The following TAF1 variants were observed in gnomAD, a reference collection of about 807,000 sequenced individuals.
TAF1 encodes the protein TATA-box binding protein associated factor 1.
Under a neutral mutation model 138.5 loss-of-function variants are expected in TAF1, and 2 were observed. The observed-to-expected ratio is 0.01, with a 90% CI of 0.01 to 0.05. TAF1 has a LOEUF of 0.05. Ranked by LOEUF, TAF1 falls within the 10% of genes least tolerant of loss-of-function variation. The pLI, the probability that TAF1 is intolerant of heterozygous loss-of-function variation, is 1.00. For missense variants in TAF1, 709 were observed against 1,478.0 expected (o/e 0.48, Z 8.53); for synonymous variants, 437 against 503.2 (o/e 0.87, Z 1.76).
intron 13 of TAF1, among the ~76,000 whole-genome samples, chrX:71,506,412 C>T (rs1480372122): frequency 2.0e-5 from 2 of 101,984 alleles, no homozygotes; most frequent in Non-Finnish European, 4.0e-5. Flanking sequence ...TGGCCAGTCG[C>T]GGTGGCTCAC....
chrX:71,382,400 G>T (rs968240976), intron 9 of TAF1, 136 bp from the exon 10 acceptor site: 19 of 855,243 alleles, frequency 2.2e-5, no homozygotes, highest in East Asian at 2.0e-4. Flanking sequence ...GTTACCTGGG[G>T]GGGGGTGGGA....
At chrX:71,391,501 TAGTG>T (rs1179180566) in intron 18 of TAF1, among the ~76,000 whole-genome samples, 1 of 110,751 alleles carries the variant, frequency 9.0e-6, no homozygotes, top group Non-Finnish European at 1.9e-5. Context: ...CTGGCCAACA[TAGTG>T]AGACCCTGTC....
At chrX:71,493,543 G>T (rs1212811622) in intron 13 of TAF1, among the ~76,000 whole-genome samples, 7 of 112,646 alleles carry the variant, frequency 6.2e-5, no homozygotes, top group African/African-American at 2.3e-4. Context: ...TAGAAATGTC[G>T]CAAGGTTTTC....
At position 71,398,557 on chromosome X, in the gene TAF1, G is replaced by A. The variant is rs2148417052; in HGVS notation, c.3621-15G>A. 1 of 1,206,521 alleles carries A rather than the reference G, an allele frequency of 8.3e-7. No individual in the cohort carries two copies. Among genetic ancestry groups the A allele is most frequent in the East Asian group, 3.0e-5 (1 of 33,702 alleles). On this transcript the variant is annotated splice_polypyrimidine_tract_variant and intron_variant, in intron 23 of 37. Coordinates refer to ENST00000423759, the MANE Select transcript of TAF1 (RefSeq NM_004606.5). ...GTCCTGTGATTTTTCTTCCTCTGCT[G>A]CTCACACTGTTCAGTCGAAAATTTG... is the stretch of plus-strand genomic sequence containing the variant.
chrX:71,379,147 C>T (rs1488790157), intron 8 of TAF1, 116 bp downstream of exon 8: 2 of 756,944 alleles, frequency 2.6e-6, no homozygotes, highest in Non-Finnish European at 3.7e-6. Context: ...CAGAGTTTCG[C>T]TCTTGTTGCC....
At chrX:71,498,224 G>T (rs1279217591) in intron 13 of TAF1, among the ~76,000 whole-genome samples, 1 of 111,811 alleles carries the variant, frequency 8.9e-6, no homozygotes, top group Non-Finnish European at 1.9e-5. Context: ...GTTGGGATGT[G>T]TGGTCTGTGG....
At chrX:71,503,276 A>AT (rs1248005819) in intron 13 of TAF1, among the ~76,000 whole-genome samples, 1,121 of 89,283 alleles carry the variant, frequency 0.013, 8 homozygotes, top group African/African-American at 0.016. Flanking sequence ...CTCAAAAAAA[A>AT]AATATATATA....
chrX:71,403,028 TTTTC>T (rs1257321746), intron 25 of TAF1, among the ~76,000 whole-genome samples: 4 of 110,400 alleles, frequency 3.6e-5, no homozygotes, highest in Non-Finnish European at 7.6e-5. Context: ...TTTCCTTTTC[TTTTC>T]TTTCTTTTTT....
At chrX:71,504,741 CAAAAAAAAAAAAAAAAA>C (rs41370846) in intron 13 of TAF1, among the ~76,000 whole-genome samples, 1 of 5,702 alleles carries the variant, frequency 1.8e-4, no homozygotes. Flanking sequence ...GACCCTGTCT[CAAAAAAAAAAAAAAAAA>C]AAAAAAAAAA....
In TAF1 at chrX:71,464,157, T is replaced by C. The variant is rs1346270719; in HGVS notation, c.*111T>C. 1.5e-6 allele frequency: 1 copy of C among 673,843 alleles called. No homozygotes were observed. Among genetic ancestry groups the C allele is most frequent in the African/African-American group, 2.2e-5 (1 of 45,157 alleles). The allele number at this position is 673,843 out of a possible 1,213,427, so 55.5% of individuals were successfully genotyped here. On this transcript the variant is annotated 3_prime_UTR_variant, in exon 38 of 38. Transcript: ENST00000423759. ...GTATCTGATCCTGAAATCATGAAAT[T>C]AACTAACACCTTAGCCTTTTTAAAA...
At chrX:71,482,281 T>C (rs1322784522) in intron 13 of TAF1, among the ~76,000 whole-genome samples, 1 of 112,557 alleles carries the variant, frequency 8.9e-6, no homozygotes, top group East Asian at 2.8e-4. Flanking sequence ...GGTTGTACAA[T>C]TGTGAATCTC....
chrX:71,382,428 A>T (rs1258985883), intron 9 of TAF1, 108 bp from the exon 10 acceptor site: 2 of 1,073,145 alleles, frequency 1.9e-6, no homozygotes. Context: ...TCTAGTTAAG[A>T]CCTTCACTGG....
At chrX:71,394,613 A>G (rs1361068640) in intron 22 of TAF1, among the ~76,000 whole-genome samples, 2 of 112,823 alleles carry the variant, frequency 1.8e-5, no homozygotes, top group African/African-American at 6.4e-5. Context: ...TTACATGTAA[A>G]ATATGTAAAT....
chrX:71,452,892 C>T (rs2038088623), intron 32 of TAF1, among the ~76,000 whole-genome samples: 1 of 112,301 alleles, frequency 8.9e-6, no homozygotes, highest in African/African-American at 3.2e-5. Context: ...AACCCGGTCT[C>T]CACCAAAAAA....
chrX:71,506,341 G>A (rs950926890), intron 13 of TAF1, among the ~76,000 whole-genome samples: 2 of 101,494 alleles, frequency 2.0e-5, no homozygotes, highest in East Asian at 3.1e-4. Context: ...CAATGTTAGC[G>A]CCACTGCACT....
intron 13 of TAF1, among the ~76,000 whole-genome samples, chrX:71,509,561 G>A (rs754113258): frequency 9.0e-6 from 1 of 111,177 alleles, no homozygotes; most frequent in South Asian, 3.8e-4. Context: ...TTAGGGGCTG[G>A]GCATGGTGGC....
In TAF1 at chrX:71,388,268, A is replaced by G. The variant is rs1041874871; in HGVS notation, c.2459A>G (p.Lys820Arg). 4 of 1,209,053 alleles carry G rather than the reference A, an allele frequency of 3.3e-6. No homozygotes were observed. In the African/African-American group the frequency reaches 7.0e-5, roughly 21 times the overall value. ...VFIYRLFWKSKDRPRRIRMED... is the reference protein window; with the variant it reads ...VFIYRLFWKSRDRPRRIRMED... ...ATTTACCGCCTTTTCTGGAAAAGTA[A>G]AGATCGGCCACGGAGGATACGAATG... Residue 820 changes from lysine to arginine, a missense_variant, in exon 16 of 38, where the codon AAA (lysine) becomes AGA (arginine). Physicochemically the swap from Lys to Arg is conservative, Grantham distance 26 (BLOSUM62 2). Transcript: ENST00000423759.
At chrX:71,406,815 G>C (rs2148480433) in intron 26 of TAF1, 69 bp downstream of exon 26, 1 of 869,417 alleles carries the variant, frequency 1.2e-6, no homozygotes, top group African/African-American at 2.0e-5. Flanking sequence ...GTATGCCACA[G>C]CTCTGACAGC....
intron 13 of TAF1, among the ~76,000 whole-genome samples, chrX:71,514,325 A>G (rs756054712): frequency 9.1e-6 from 1 of 110,120 alleles, no homozygotes; most frequent in East Asian, 2.8e-4. Flanking sequence ...TGTCTCAGAA[A>G]AGCAAACAAA....
Sources: allele counts gnomAD v4.1 joint callset (sites outside exome capture counted in the v4.1 genomes callset), GRCh38; gene constraint gnomAD v4.1.1; transcripts MANE v1.5; gene names NCBI Gene and HGNC (gene_info 2026-07-23, HGNC 2026-07-21).